YJU2B: variants seen among roughly 807,000 people sequenced by gnomAD.
YJU2B encodes YJU2 splicing factor homolog B.
In YJU2B, 18 loss-of-function variants were observed where a neutral mutation model predicts 38.0. That is an observed-to-expected ratio of 0.47 (90% confidence interval 0.33 to 0.70). YJU2B has a LOEUF of 0.70. Among genes scored for constraint, YJU2B ranks in the 30% least tolerant of loss-of-function variants. The pLI is 0.02. For synonymous variants in YJU2B, 246 were observed against 225.4 expected (o/e 1.09, Z -0.82); for missense variants, 538 against 556.3 (o/e 0.97, Z 0.33).
chr19:13,762,295 A>G lies in YJU2B; in HGVS notation c.574-4A>G. 1 of 1,613,246 alleles carries G rather than the reference A, an allele frequency of 6.2e-7. No homozygotes were observed. Among genetic ancestry groups the G allele is most frequent in the Non-Finnish European group, 8.5e-7 (1 of 1,179,892 alleles). On this transcript the variant is annotated splice_region_variant and splice_polypyrimidine_tract_variant and intron_variant, in intron 8 of 9. Transcript: ENST00000221554. ...ATCTCTGGTGTTCTTGGCCCTCAACACAGGAAAAGAAAAAAGCCATCCAGG... is the reference window on the plus strand; with the variant it reads ...ATCTCTGGTGTTCTTGGCCCTCAACGCAGGAAAAGAAAAAAGCCATCCAGG...
upstream of YJU2B, among the ~76,000 whole-genome samples, chr19:13,746,386 T>G (rs1231686042): frequency 6.6e-6 from 1 of 152,222 alleles, no homozygotes; most frequent in Non-Finnish European, 1.5e-5. Context: ...TTCTTTGGGC[T>G]CTCTCTTCCT....
At chr19:13,759,326 G>C in intron 8 of YJU2B, 54 bp downstream of exon 8, 3 of 1,448,862 alleles carry the variant, frequency 2.1e-6, no homozygotes, top group Non-Finnish European at 2.8e-6. Flanking sequence ...ACCAAGGCCC[G>C]GGTCCAGCCC....
rs754123656 is a variant in YJU2B at position 13,757,443 on chromosome 19, T to G, written c.166T>G (p.Cys56Gly). 6.2e-7 allele frequency: 1 copy of G among 1,613,896 alleles called. No individual in the cohort carries two copies. Among genetic ancestry groups the G allele is most frequent in the South Asian group, 1.1e-5 (1 of 91,064 alleles). The stretch of plus-strand genomic sequence containing the variant: ...ATTCGAAATGCCATATAACATCTGG[T>G]GCGATGGCTGCAAGAACCACATCGG... ...IRFEMPYNIW[C>G]DGCKNHIGMG... The change falls in exon 5 of 10, where the codon TGC (cysteine) becomes GGC (glycine). Residue 56 changes from cysteine to glycine, a missense_variant. By Grantham distance (159) the Cys-to-Gly change is radical. Around this residue, in one of 2 missense-constraint regions of YJU2B, gnomAD observed 50 missense variants for 86.9 expected, o/e 0.58. Coordinates refer to ENST00000221554, the MANE Select transcript of YJU2B (RefSeq NM_030818.4).
In YJU2B at chr19:13,762,755, T is replaced by A; in HGVS notation, c.878T>A (p.Leu293Gln). Reference sequence around the variant, plus strand: ...ACCTCCCCCATCACCGTCGGGGACCTGGGCATCGTGCGGCGGAGGTCTCGG... The same window carrying A: ...ACCTCCCCCATCACCGTCGGGGACCAGGGCATCGTGCGGCGGAGGTCTCGG... ...LATSPITVGD[L>Q]GIVRRRSRDV... The change falls in exon 10 of 10, where the codon CTG becomes CAG. Residue 293 changes from leucine (L) to glutamine (Q), a missense_variant. Leu to Gln is a moderately radical substitution (Grantham distance 113). This residue lies in a region of YJU2B where 488 missense variants were observed against 469.5 expected (regional missense o/e 1.04). Coordinates refer to ENST00000221554, the MANE Select transcript of YJU2B (RefSeq NM_030818.4). 1 of 1,608,020 alleles carries A rather than the reference T, an allele frequency of 6.2e-7. No homozygotes were observed.
upstream of YJU2B, among the ~76,000 whole-genome samples, chr19:13,744,499 A>G (rs1168414746): frequency 6.6e-6 from 1 of 152,188 alleles, no homozygotes; most frequent in African/African-American, 2.4e-5. Flanking sequence ...GTTTTGGATC[A>G]TTATGTCTTT....
intron 2 of YJU2B, among the ~76,000 whole-genome samples, chr19:13,735,827 C>T (rs1053195065): frequency 8.6e-5 from 13 of 151,910 alleles, no homozygotes; most frequent in Admixed American, 5.9e-4. Context: ...CCAAGGCGGG[C>T]GGATCACGAG....
chr19:13,757,353 A>T, intron 4 of YJU2B, 65 bp from the exon 5 acceptor site: 1 of 1,386,668 alleles, frequency 7.2e-7, no homozygotes. Context: ...CCAGAGTCGC[A>T]GGTGTGGAGA....
intron 6 of YJU2B, among the ~76,000 whole-genome samples, chr19:13,758,579 CAAATGAAT>C (rs1973756833): frequency 6.6e-6 from 1 of 151,642 alleles, no homozygotes; most frequent in Admixed American, 6.6e-5. Flanking sequence ...AATGAATGAA[CAAATGAAT>C]TAACGAATAA....
intron 2 of YJU2B, among the ~76,000 whole-genome samples, chr19:13,739,508 A>G (rs1210938317): frequency 1.3e-5 from 2 of 152,098 alleles, no homozygotes; most frequent in African/African-American, 4.8e-5. Flanking sequence ...AGCTATGGCA[A>G]ACACTCCCTC....
chr19:13,741,412 C>T lies in YJU2B; in HGVS notation c.-202+9127C>T, dbSNP rs150511817. On this transcript the variant is annotated intron_variant, in intron 2 of 10. Transcript: ENST00000586600. ...TCATGATCGGCCCACCTCAGCCTCC[C>T]GAAGTGCTGGGATTACAGGTGTGAG... Among the ~76,000 whole-genome samples the T allele has an allele frequency of 7.8e-3, 1,185 of 151,454 alleles. 16 individuals are homozygous for T. The highest frequency in any genetic ancestry group is 0.028 in the African/African-American group (1,138 of 41,234).
At chr19:13,743,147 G>GTTTTTTTTTTTTTTT (rs1568279357), upstream of YJU2B, among the ~76,000 whole-genome samples, 4 of 152,166 alleles carry the variant, frequency 2.6e-5, no homozygotes, top group African/African-American at 9.7e-5. Flanking sequence ...TGCAGGTGGG[G>GTTTTTTTTTTTTTTT]GTTTTTTAAG....
chr19:13,755,013 G>T (rs915036052), intron 3 of YJU2B, among the ~76,000 whole-genome samples: 2 of 151,996 alleles, frequency 1.3e-5, no homozygotes, highest in South Asian at 4.1e-4. Context: ...GAAATAAAAT[G>T]AGCTGACCTC....
chr19:13,749,913 G>A (rs956196570), intron 1 of YJU2B, among the ~76,000 whole-genome samples: 6 of 152,100 alleles, frequency 3.9e-5, no homozygotes, highest in African/African-American at 1.4e-4. Flanking sequence ...GATTACAGGC[G>A]TGAAGAACTT....
chr19:13,757,556 G>A, intron 5 of YJU2B, 83 bp downstream of exon 5: 1 of 1,274,598 alleles, frequency 7.8e-7, no homozygotes, highest in Non-Finnish European at 1.1e-6. Context: ...GGGGTGGGAG[G>A]GTCCTGATCA....
chr19:13,734,536 C>T (rs1041672557), intron 2 of YJU2B, among the ~76,000 whole-genome samples: 16 of 152,110 alleles, frequency 1.1e-4, no homozygotes, highest in Admixed American at 7.9e-4. Flanking sequence ...GTGATCCGCC[C>T]GCCTCGGCCT....
chr19:13,740,496 A>G (rs1973064239), intron 2 of YJU2B, among the ~76,000 whole-genome samples: 1 of 151,738 alleles, frequency 6.6e-6, no homozygotes, highest in African/African-American at 2.4e-5. Context: ...ACAGGCATGA[A>G]CCACCATGCC....
intron 2 of YJU2B, among the ~76,000 whole-genome samples, chr19:13,741,932 T>C (rs528927139): frequency 6.6e-6 from 1 of 152,258 alleles, no homozygotes; most frequent in East Asian, 1.9e-4. Context: ...GACTCCTCCC[T>C]AAGAATCTCA....
rs1204248698 is a variant in YJU2B at position 13,760,594 on chromosome 19, TTTA to T, written c.573+1325_573+1327del. Among the ~76,000 whole-genome samples the T allele has an allele frequency of 1.4e-4, 21 of 151,420 alleles. No individual in the cohort carries two copies. The East Asian group carries it at 2.7e-3, about 20-fold the overall frequency. ...CTACCTGGTTGCCTCCTTTTATTTA[TTTA>T]TTTTTTTTCTTTTTGTGACTGGGTC... is the stretch of plus-strand genomic sequence containing the variant. On this transcript the variant is annotated intron_variant, in intron 8 of 9. Coordinates refer to ENST00000221554, the MANE Select transcript of YJU2B (RefSeq NM_030818.4).
At chr19:13,737,026 C>CA (rs61619895) in intron 2 of YJU2B, among the ~76,000 whole-genome samples, 44,697 of 117,756 alleles carry the variant, frequency 0.38, 8,398 homozygotes, top group Middle Eastern at 0.57. Flanking sequence ...GACTCATTCT[C>CA]AAAAAAAAAA....
Sources: allele counts gnomAD v4.1 joint callset (sites outside exome capture counted in the v4.1 genomes callset), GRCh38; gene constraint gnomAD v4.1.1; regional missense constraint gnomAD v4.1.1; transcripts MANE v1.5; gene names NCBI Gene and HGNC (gene_info 2026-07-23, HGNC 2026-07-21).